LPAR6: variants seen among roughly 807,000 people sequenced by gnomAD.
LPAR6 encodes the protein lysophosphatidic acid receptor 6, also known as G-protein coupled purinergic receptor P2Y5.
Under a neutral mutation model 22.0 loss-of-function variants are expected in LPAR6, and 17 were observed. The ratio of observed to expected loss-of-function variants is 0.77; its 90% confidence interval spans 0.53 to 1.16. LPAR6 has a LOEUF of 1.16. LPAR6 is among the 50% of genes most tolerant of loss of function. LPAR6 has a pLI of 0.00. For missense variants in LPAR6, 384 were observed against 406.9 expected (o/e 0.94, Z 0.48); for synonymous variants, 136 against 139.8 (o/e 0.97, Z 0.19).
intron 1 of LPAR6, among the ~76,000 whole-genome samples, chr13:48,400,356 AC>A (rs563370567): frequency 3.2e-4 from 48 of 152,192 alleles, no homozygotes; most frequent in Middle Eastern, 3.4e-3. Flanking sequence ...TGTCCACAAA[AC>A]TGGTTGGTGA....
chr13:48,399,879 A>C (rs1430254400), intron 1 of LPAR6, among the ~76,000 whole-genome samples: 1 of 152,036 alleles, frequency 6.6e-6, no homozygotes, highest in Non-Finnish European at 1.5e-5. Context: ...ACACTCTGAC[A>C]TATGAAAAAA....
chr13:48,412,316 A>G lies in LPAR6; in HGVS notation c.108T>C (p.Cys36=). 1 of 1,613,058 alleles carries G rather than the reference A, an allele frequency of 6.2e-7. No homozygotes were observed. The highest frequency in any genetic ancestry group is 1.1e-5 in the South Asian group (1 of 91,058). ...CGCAGATGAAAATGTATATGGCAACACAATTGGATATTAACCCAAGCACAA... is the reference window on the plus strand; with the variant it reads ...CGCAGATGAAAATGTATATGGCAACGCAATTGGATATTAACCCAAGCACAA... ...MVFVLGLISN[C]VAIYIFICVL... is the part of the protein sequence containing the mutation. Residue 36 remains cysteine, a synonymous_variant, in exon 1 of 1, where the codon TGT becomes TGC. Coordinates refer to ENST00000620633, the MANE Select transcript of LPAR6 (RefSeq NM_001162498.3).
chr13:48,418,720 A>G (rs11616411), intron 2 of LPAR6, among the ~76,000 whole-genome samples: 4 of 152,086 alleles, frequency 2.6e-5, no homozygotes, highest in African/African-American at 4.8e-5. Flanking sequence ...AAAAAAAAAA[A>G]AAAGCAGGGG....
chr13:48,418,657 A>G (rs1370263736), intron 2 of LPAR6, among the ~76,000 whole-genome samples: 1 of 151,974 alleles, frequency 6.6e-6, no homozygotes, highest in Non-Finnish European at 1.5e-5. Flanking sequence ...ACATGCAAAG[A>G]CACGTGCTCT....
chr13:48,393,789 G>A (rs186131356), intron 1 of LPAR6, among the ~76,000 whole-genome samples: 95 of 152,210 alleles, frequency 6.2e-4, no homozygotes, highest in African/African-American at 2.0e-3. Flanking sequence ...ATTTTGGTAC[G>A]TCACATAAAC....
chr13:48,417,466 G>A (rs1338119177), upstream of LPAR6: 4 of 152,158 alleles, frequency 2.6e-5, no homozygotes, highest in Non-Finnish European at 5.9e-5. Context: ...CCATGAAGAT[G>A]AGGAAAAACC....
chr13:48,414,631 T>G (rs904117127), upstream of LPAR6, among the ~76,000 whole-genome samples: 1 of 151,418 alleles, frequency 6.6e-6, no homozygotes, highest in Non-Finnish European at 1.5e-5. Context: ...TTCTCATAAA[T>G]TACTTAGCTA....
At chr13:48,437,041 A>T (rs1949191463) in intron 1 of LPAR6, among the ~76,000 whole-genome samples, 1 of 152,214 alleles carries the variant, frequency 6.6e-6, no homozygotes, top group Non-Finnish European at 1.5e-5. Flanking sequence ...AGACAAGTTC[A>T]TGCTTGCCTT....
At chr13:48,438,549 C>T (rs1949205946) in intron 1 of LPAR6, among the ~76,000 whole-genome samples, 1 of 151,478 alleles carries the variant, frequency 6.6e-6, no homozygotes, top group African/African-American at 2.4e-5. Context: ...TTTTTATTTA[C>T]TTATCTGTTT....
chr13:48,395,719 A>G (rs374342341), intron 1 of LPAR6, among the ~76,000 whole-genome samples: 1 of 152,218 alleles, frequency 6.6e-6, no homozygotes, highest in East Asian at 1.9e-4. Flanking sequence ...CCTCCAAGAA[A>G]TAGGGGACTA....
downstream of LPAR6, among the ~76,000 whole-genome samples, chr13:48,407,225 T>C (rs1473849335): frequency 6.6e-6 from 1 of 152,220 alleles, no homozygotes; most frequent in Admixed American, 6.5e-5. Context: ...AGAAAACTGA[T>C]TATTAAATTT....
chr13:48,399,534 A>G (rs1190896998), intron 1 of LPAR6, among the ~76,000 whole-genome samples: 1 of 152,038 alleles, frequency 6.6e-6, no homozygotes, highest in Non-Finnish European at 1.5e-5. Context: ...TTAAAGATCT[A>G]GGAATATAAG....
downstream of LPAR6, among the ~76,000 whole-genome samples, chr13:48,407,898 C>T (rs535702287): frequency 2.9e-4 from 44 of 152,020 alleles, no homozygotes; most frequent in East Asian, 7.5e-3. Context: ...CATTTAGGCA[C>T]GAAAAAAGTT....
chr13:48,430,967 G>A (rs952155121), upstream of LPAR6, among the ~76,000 whole-genome samples: 1 of 152,016 alleles, frequency 6.6e-6, no homozygotes, highest in Non-Finnish European at 1.5e-5. Context: ...GGCTTTCTAA[G>A]TATTATATAA....
At chr13:48,395,687 G>C (rs1948642460) in intron 1 of LPAR6, among the ~76,000 whole-genome samples, 1 of 152,078 alleles carries the variant, frequency 6.6e-6, no homozygotes, top group East Asian at 1.9e-4. Context: ...AGAGAAAAAA[G>C]AATGAAAAGG....
In LPAR6 at chr13:48,412,555, T is replaced by C; in HGVS notation, c.-132A>G. On this transcript the variant is annotated 5_prime_UTR_variant, in exon 1 of 1. In the 5' UTR this introduces an upstream ATG that the reference lacks. Coordinates refer to ENST00000620633, the MANE Select transcript of LPAR6 (RefSeq NM_001162498.3). ...CTGGATCTTTGGATGGTTTTATAAA[T>C]ATTTCCTTTTTCTCAGAAATACCCA... 3 of 701,754 alleles carry C rather than the reference T, an allele frequency of 4.3e-6. No individual in the cohort carries two copies. Among genetic ancestry groups the C allele is most frequent in the South Asian group, 1.6e-5 (1 of 62,116 alleles). 43.5% of individuals were successfully genotyped at this position (701,754 alleles called of 1,614,324 possible).
chr13:48,441,821 T>C (rs755646697), intron 1 of LPAR6, among the ~76,000 whole-genome samples: 7 of 152,136 alleles, frequency 4.6e-5, no homozygotes, highest in Non-Finnish European at 8.8e-5. Flanking sequence ...TTCTGTGGTA[T>C]AGAGATCCTA....
intron 1 of LPAR6, among the ~76,000 whole-genome samples, chr13:48,396,583 A>G (rs1948650148): frequency 6.6e-6 from 1 of 152,240 alleles, no homozygotes; most frequent in African/African-American, 2.4e-5. Context: ...GGACATAGGC[A>G]TGGGCAAAGA....
chr13:48,401,806 CT>C (rs897276287), intron 1 of LPAR6, among the ~76,000 whole-genome samples: 1 of 152,132 alleles, frequency 6.6e-6, no homozygotes, highest in African/African-American at 2.4e-5. Flanking sequence ...CCTTTTCTTA[CT>C]TTGCTAAGTT....
Sources: allele counts gnomAD v4.1 joint callset (sites outside exome capture counted in the v4.1 genomes callset), GRCh38; gene constraint gnomAD v4.1.1; transcripts MANE v1.5; gene names NCBI Gene and HGNC (gene_info 2026-07-23, HGNC 2026-07-21).